DIAPH2: variants seen among roughly 807,000 people sequenced by gnomAD.
DIAPH2 encodes the protein diaphanous related formin 2.
Under a neutral mutation model 92.7 loss-of-function variants are expected in DIAPH2, and 35 were observed. That is an observed-to-expected ratio of 0.38 (90% CI 0.29 to 0.50). The LOEUF (loss-of-function observed/expected upper bound fraction) is 0.50, where lower values mean the gene tolerates loss of function less well. DIAPH2 is among the 20% of genes least tolerant of loss of function. DIAPH2 has a pLI of 0.94. For synonymous variants in DIAPH2, 301 were observed against 280.4 expected, an observed-to-expected ratio of 1.07 and a Z score of -0.73; for missense variants, 701 against 819.5, an observed-to-expected ratio of 0.86 and a Z score of 1.77.
chrX:97,456,121 C>T (rs2070401842), intron 26 of DIAPH2, among the ~76,000 whole-genome samples: 1 of 112,581 alleles, frequency 8.9e-6, no homozygotes, highest in South Asian at 3.7e-4. Flanking sequence ...GGCGCGGTGG[C>T]TCACGCCTGT....
At chrX:96,736,913 C>T (rs1171249842) in intron 2 of DIAPH2, among the ~76,000 whole-genome samples, 1 of 111,958 alleles carries the variant, frequency 8.9e-6, no homozygotes, top group Admixed American at 9.5e-5. Context: ...CTTTCATGTC[C>T]ACCATATTTT....
intron 24 of DIAPH2, among the ~76,000 whole-genome samples, chrX:97,358,515 A>C (rs2069290617): frequency 8.9e-6 from 1 of 111,943 alleles, no homozygotes; most frequent in Admixed American, 9.6e-5. Context: ...ATTATAAAAA[A>C]TCAGTGGAAA....
intron 23 of DIAPH2, among the ~76,000 whole-genome samples, chrX:97,270,781 C>T (rs1277255224): frequency 9.0e-6 from 1 of 110,929 alleles, no homozygotes; most frequent in African/African-American, 3.3e-5. Context: ...TAGACTAAAC[C>T]TTCTTCCACA....
Position 96,740,639 on chromosome X carries a change from A to T in DIAPH2, c.342+1877A>T, listed in dbSNP as rs150976144. Among the ~76,000 whole-genome samples the T allele has an allele frequency of 1.9e-3, 217 of 111,597 alleles. 2 individuals carry two copies. In the East Asian group the frequency reaches 0.048, roughly 25 times the overall value. ...TGGTTTTGCTTTTGTAATAACTGTT[A>T]CATTTGTGTCCTCAGATGTCCTCCA... On this transcript the variant is annotated intron_variant, in intron 3 of 26. Coordinates refer to ENST00000324765, the MANE Select transcript of DIAPH2 (RefSeq NM_006729.5).
At chrX:97,384,595 A>G (rs1274825157) in intron 25 of DIAPH2, among the ~76,000 whole-genome samples, 1 of 111,938 alleles carries the variant, frequency 8.9e-6, no homozygotes, top group East Asian at 2.8e-4. Flanking sequence ...GGCCGGGCAC[A>G]GTGGCTTATG....
chrX:97,027,186 C>A (rs2066341177), intron 17 of DIAPH2, among the ~76,000 whole-genome samples: 1 of 111,834 alleles, frequency 8.9e-6, no homozygotes, highest in Non-Finnish European at 1.9e-5. Flanking sequence ...AAATTATGTG[C>A]CGAAGTAAAT....
At chrX:97,253,401 G>A (rs943256244) in intron 23 of DIAPH2, among the ~76,000 whole-genome samples, 4 of 111,117 alleles carry the variant, frequency 3.6e-5, no homozygotes, top group African/African-American at 1.3e-4. Context: ...ACTGGTCAAT[G>A]GAATTTTTAG....
intron 23 of DIAPH2, among the ~76,000 whole-genome samples, chrX:97,334,998 C>CAAAAAA (rs746536131): frequency 0.017 from 520 of 31,410 alleles, 5 homozygotes; most frequent in Middle Eastern, 0.048. Flanking sequence ...AAAAACAAAA[C>CAAAAAA]AAAAAAAAAA....
At chrX:96,698,479 T>G (rs1451596780) in intron 1 of DIAPH2, among the ~76,000 whole-genome samples, 1 of 111,319 alleles carries the variant, frequency 9.0e-6, no homozygotes, top group East Asian at 2.8e-4. Flanking sequence ...GAAAGTGTTG[T>G]GACAAACTAT....
At chrX:97,484,980 G>C (rs1341435082) in intron 26 of DIAPH2, among the ~76,000 whole-genome samples, 1 of 112,352 alleles carries the variant, frequency 8.9e-6, no homozygotes, top group East Asian at 2.8e-4. Flanking sequence ...AGTAGCACAT[G>C]CTTACTGGCA....
At chrX:97,217,881 G>A (rs1473894244) in intron 22 of DIAPH2, among the ~76,000 whole-genome samples, 1 of 110,773 alleles carries the variant, frequency 9.0e-6, no homozygotes, top group African/African-American at 3.3e-5. Flanking sequence ...AGGAAGCAGA[G>A]GTTGCAGTGA....
At chrX:97,575,776 A>G (rs1312776478) in intron 26 of DIAPH2, among the ~76,000 whole-genome samples, 2 of 111,930 alleles carry the variant, frequency 1.8e-5, no homozygotes, top group Non-Finnish European at 3.8e-5. Context: ...TAGAATAGTT[A>G]GAGCAGTTAA....
chrX:97,162,179 A>G (rs2067379197), intron 22 of DIAPH2, among the ~76,000 whole-genome samples: 2 of 110,810 alleles, frequency 1.8e-5, no homozygotes, highest in African/African-American at 6.6e-5. Context: ...CTTTACCTGT[A>G]TCTAGCAATC....
intron 25 of DIAPH2, among the ~76,000 whole-genome samples, chrX:97,386,845 G>A (rs1364820337): frequency 1.9e-5 from 2 of 103,826 alleles, no homozygotes; most frequent in Non-Finnish European, 3.9e-5. Flanking sequence ...TGTAGAATGT[G>A]CAGTTTTGTT....
chrX:97,113,637 T>C (rs2066998112), intron 20 of DIAPH2, among the ~76,000 whole-genome samples: 1 of 112,192 alleles, frequency 8.9e-6, no homozygotes, highest in African/African-American at 3.2e-5. Context: ...GTCTTGATTC[T>C]GTATTAGAGT....
chrX:97,396,629 C>CT (rs1308638992), intron 25 of DIAPH2, among the ~76,000 whole-genome samples: 1 of 111,212 alleles, frequency 9.0e-6, no homozygotes, highest in Non-Finnish European at 1.9e-5. Flanking sequence ...GAGTGAGACT[C>CT]TGTCTAAAAA....
chrX:96,693,620 A>G (rs2063809325), intron 1 of DIAPH2, among the ~76,000 whole-genome samples: 1 of 112,234 alleles, frequency 8.9e-6, no homozygotes, highest in African/African-American at 3.2e-5. Context: ...TTACCAAATC[A>G]TGTGCCAGTT....
chrX:96,881,318 CAATGA>C (rs2065211479), intron 4 of DIAPH2, among the ~76,000 whole-genome samples: 1 of 110,987 alleles, frequency 9.0e-6, no homozygotes, highest in Non-Finnish European at 1.9e-5. Context: ...GCACCCCTGT[CAATGA>C]CACTTTATGT....
chrX:96,885,195 ATCTC>A, intron 5 of DIAPH2: 1 of 698,529 alleles, frequency 1.4e-6, no homozygotes, highest in Non-Finnish European at 2.1e-6. Flanking sequence ...AAAAAAAAAA[ATCTC>A]AAGTGGCATT....
Sources: allele counts gnomAD v4.1 joint callset (sites outside exome capture counted in the v4.1 genomes callset), GRCh38; gene constraint gnomAD v4.1.1; transcripts MANE v1.5; gene names NCBI Gene and HGNC (gene_info 2026-07-23, HGNC 2026-07-21).